Variants in NXN observed in about 807,000 individuals in gnomAD.
NXN encodes nucleoredoxin 1.
A neutral mutation model predicts 48.6 loss-of-function variants in NXN; 16 were observed. The observed-to-expected ratio is 0.33, with a 90% CI of 0.22 to 0.50. NXN has a LOEUF of 0.50. Ranked by LOEUF, NXN falls within the 20% of genes least tolerant of loss-of-function variation. NXN has a pLI of 0.98. For synonymous variants in NXN, 281 were observed against 269.6 expected, an observed-to-expected ratio of 1.04 and a Z score of -0.41; for missense variants, 492 against 605.5, an observed-to-expected ratio of 0.81 and a Z score of 1.97.
At chr17:824,413 C>T (rs932304654) in intron 2 of NXN, among the ~76,000 whole-genome samples, 9 of 152,154 alleles carry the variant, frequency 5.9e-5, no homozygotes, top group African/African-American at 2.2e-4. Flanking sequence ...CCAGGGGCAA[C>T]GCAAAGATGT....
chr17:877,392 T>C (rs12940843), intron 1 of NXN, among the ~76,000 whole-genome samples: 67,698 of 151,738 alleles, frequency 0.45, 16,572 homozygotes, highest in African/African-American at 0.65. Context: ...GTGATCCACC[T>C]GCCTCAGCCT....
At chr17:952,182 C>T (rs535607403) in intron 1 of NXN, among the ~76,000 whole-genome samples, 7 of 126,150 alleles carry the variant, frequency 5.5e-5, no homozygotes, top group Non-Finnish European at 1.1e-4. Flanking sequence ...TGTGGGGGGG[C>T]TGGGGTCAGA....
chr17:908,267 G>T (rs2068599391), intron 1 of NXN, among the ~76,000 whole-genome samples: 1 of 152,118 alleles, frequency 6.6e-6, no homozygotes, highest in South Asian at 2.1e-4. Context: ...GCCGGGCACG[G>T]TCGTTCACGC....
chr17:906,664 T>C (rs1202265193), intron 1 of NXN, among the ~76,000 whole-genome samples: 1 of 151,630 alleles, frequency 6.6e-6, no homozygotes, highest in Non-Finnish European at 1.5e-5. Context: ...CCTCCCGGGT[T>C]CAAGTGATTC....
intron 1 of NXN, among the ~76,000 whole-genome samples, chr17:962,159 T>G (rs1254034574): frequency 6.6e-6 from 1 of 152,034 alleles, no homozygotes; most frequent in Non-Finnish European, 1.5e-5. Context: ...GAAGGAACAT[T>G]CAGGAAAACG....
intron 1 of NXN, among the ~76,000 whole-genome samples, chr17:854,176 C>T (rs546197967): frequency 2.0e-5 from 3 of 152,262 alleles, no homozygotes; most frequent in South Asian, 2.1e-4. Context: ...GTGGATTAAA[C>T]GAATGAATCT....
chr17:874,239 C>T (rs914504486), intron 1 of NXN, among the ~76,000 whole-genome samples: 7 of 152,156 alleles, frequency 4.6e-5, no homozygotes, highest in East Asian at 1.9e-4. Flanking sequence ...GTAAGTTTCC[C>T]GAGGCCTCCC....
chr17:820,351 C>G (rs1459527201), intron 4 of NXN, among the ~76,000 whole-genome samples: 3 of 152,100 alleles, frequency 2.0e-5, no homozygotes, highest in African/African-American at 7.2e-5. Flanking sequence ...GTGGCTCACC[C>G]CTGTAATCCC....
chr17:805,604 A>G (rs1434322925), intron 5 of NXN, among the ~76,000 whole-genome samples: 1 of 152,274 alleles, frequency 6.6e-6, no homozygotes, highest in South Asian at 2.1e-4. Flanking sequence ...TGGGAGGCTG[A>G]GGTGGATGGA....
chr17:823,736 A>AG lies in NXN; in HGVS notation c.507dup (p.Phe170LeufsTer11). The AG allele has an allele frequency of 6.2e-7, 1 of 1,614,158 alleles. No individual in the cohort carries two copies. Among genetic ancestry groups the AG allele is most frequent in the Non-Finnish European group, 8.5e-7 (1 of 1,180,020 alleles). On this transcript the variant is annotated frameshift_variant, in exon 3 of 8. Coordinates refer to ENST00000336868, the MANE Select transcript of NXN (RefSeq NM_022463.5). LOFTEE classifies it high-confidence loss of function. ...AAGGGCCCTGCAATGACTTCCCTGAAGGGTTTCGGTCCCCAGGGGAACTCC... is the reference window on the plus strand; with the variant it reads ...AAGGGCCCTGCAATGACTTCCCTGAAGGGGTTTCGGTCCCCAGGGGAACTCC...
At chr17:907,136 G>C (rs942096864) in intron 1 of NXN, among the ~76,000 whole-genome samples, 1 of 151,592 alleles carries the variant, frequency 6.6e-6, no homozygotes, top group Non-Finnish European at 1.5e-5. Flanking sequence ...TTTTTGGGGG[G>C]GCGGGGGAGG....
intron 1 of NXN, among the ~76,000 whole-genome samples, chr17:843,125 G>A (rs1597655724): frequency 6.6e-6 from 1 of 152,180 alleles, no homozygotes; most frequent in Admixed American, 6.5e-5. Flanking sequence ...AATAACTGAG[G>A]TTAAAATAAT....
intron 1 of NXN, among the ~76,000 whole-genome samples, chr17:939,255 CA>C (rs1157773868): frequency 6.6e-6 from 1 of 151,678 alleles, no homozygotes; most frequent in Non-Finnish European, 1.5e-5. Context: ...CATTTCCTAT[CA>C]TAGGAAACTG....
chr17:966,485 T>C (rs919543598), intron 1 of NXN, among the ~76,000 whole-genome samples: 21 of 152,036 alleles, frequency 1.4e-4, no homozygotes, highest in African/African-American at 5.1e-4. Context: ...GTAGTTGGGA[T>C]TGCAGGCATG....
rs2069171799 is a variant in NXN, at chr17:956,625, G to C, written c.360+22694C>G. ...CAATGGGGTTTCACCGTGTTAGCCAGGATGGTCTCGATCTCCAGACCTCAG... is the reference window on the plus strand; with the variant it reads ...CAATGGGGTTTCACCGTGTTAGCCACGATGGTCTCGATCTCCAGACCTCAG... On this transcript the variant is annotated intron_variant, in intron 1 of 7. Transcript: ENST00000336868. The surrounding 1 kb of genome is among the most constrained non-coding windows in gnomAD (Gnocchi z 4.1). Among the ~76,000 whole-genome samples, 1 of 152,116 alleles carries C rather than the reference G, an allele frequency of 6.6e-6. No individual in the cohort carries two copies. The highest frequency in any genetic ancestry group is 2.4e-5 in the African/African-American group (1 of 41,418).
intron 1 of NXN, among the ~76,000 whole-genome samples, chr17:895,541 A>T (rs2955625): frequency 1.3e-5 from 2 of 151,214 alleles, no homozygotes; most frequent in Non-Finnish European, 3.0e-5. Context: ...GGCCGGGCGC[A>T]GTGGCTCACG....
chr17:854,572 A>G (rs1483929144), intron 1 of NXN, among the ~76,000 whole-genome samples: 20 of 149,676 alleles, frequency 1.3e-4, no homozygotes, highest in South Asian at 1.1e-3. Context: ...GGAGAATGGC[A>G]TGAACCCGAG....
chr17:947,727 C>T (rs375663884), intron 1 of NXN, among the ~76,000 whole-genome samples: 63 of 130,220 alleles, frequency 4.8e-4, no homozygotes, highest in African/African-American at 1.7e-3. Context: ...GGTGAGGCTC[C>T]CTCTCAAAAA....
chr17:957,594 T>C (rs2069186462), intron 1 of NXN, among the ~76,000 whole-genome samples: 4 of 150,100 alleles, frequency 2.7e-5, no homozygotes, highest in African/African-American at 9.9e-5. Flanking sequence ...ATCAAGCCAC[T>C]GCACTCCAGC....
Sources: gnomAD v4.1 joint callset for allele counts (sites outside exome capture counted in the v4.1 genomes callset) on GRCh38, gnomAD v4.1.1 for gene constraint, Gnocchi (gnomAD v3.1) non-coding constraint, MANE v1.5 for transcripts, NCBI Gene and HGNC (gene_info 2026-07-23, HGNC 2026-07-21) for gene names.